Variants in KDM7A observed in about 807,000 individuals in gnomAD.
KDM7A encodes lysine-specific demethylase 7A.
A neutral mutation model predicts 114.8 loss-of-function variants in KDM7A; 28 were observed. That is an observed-to-expected ratio of 0.24 (90% CI 0.18 to 0.33). KDM7A has a LOEUF of 0.33. KDM7A is among the 10% of genes least tolerant of loss of function. The pLI is 1.00. For synonymous variants in KDM7A, 423 were observed against 397.8 expected, an observed-to-expected ratio of 1.06 and a Z score of -0.75; for missense variants, 942 against 1,142.5, an observed-to-expected ratio of 0.82 and a Z score of 2.53.
At chr7:140,113,451 T>A in intron 10 of KDM7A, 40 bp downstream of exon 10, 1 of 845,384 alleles carries the variant, frequency 1.2e-6, no homozygotes, top group East Asian at 5.6e-5. Context: ...CCTAATCTTG[T>A]GGCATAAAAC....
intron 1 of KDM7A, among the ~76,000 whole-genome samples, chr7:140,148,899 A>AT (rs1486178989): frequency 6.6e-6 from 1 of 152,202 alleles, no homozygotes; most frequent in Non-Finnish European, 1.5e-5. Context: ...TAATTGACAC[A>AT]TTAAAGCTGT....
At position 140,157,311 on chromosome 7, in the gene KDM7A, C is replaced by A. The variant is rs1282138304; in HGVS notation, c.195-18121G>T. Reference sequence around the variant, plus strand: ...AGGGTAGCCTCAGCTTTACGCTGAACTATGGTAGGCTCAGCTACCATGAAT... The same window carrying A: ...AGGGTAGCCTCAGCTTTACGCTGAAATATGGTAGGCTCAGCTACCATGAAT... On this transcript the variant is annotated intron_variant, in intron 1 of 19. Transcript: ENST00000397560. Among the ~76,000 whole-genome samples the A allele has an allele frequency of 2.6e-5, 4 of 152,220 alleles. No homozygotes were observed. In the East Asian group the frequency reaches 7.7e-4, roughly 29 times the overall value.
chr7:140,134,195 A>T (rs1171478288), intron 2 of KDM7A, among the ~76,000 whole-genome samples: 1 of 152,220 alleles, frequency 6.6e-6, no homozygotes, highest in African/African-American at 2.4e-5. Context: ...AGCATGACAA[A>T]ATACATAACT....
At chr7:140,148,633 A>G (rs1403579198) in intron 1 of KDM7A, among the ~76,000 whole-genome samples, 2 of 152,194 alleles carry the variant, frequency 1.3e-5, no homozygotes, top group Non-Finnish European at 2.9e-5. Flanking sequence ...TTTCACTTTT[A>G]AATTGTTAAT....
At position 140,176,084 on chromosome 7, in the gene KDM7A, G is replaced by A. The variant is rs1220468477; in HGVS notation, c.194+660C>T. ...TCCCCGGCACCTTTCAAGTCCCCGA[G>A]AGCGAGTGCCTCATCTGTTGCTCTG... On this transcript the variant is annotated intron_variant, in intron 1 of 19. Transcript: ENST00000397560. The surrounding 1 kb of genome is among the most constrained non-coding windows in gnomAD (Gnocchi z 4.4). 6.6e-6 allele frequency among the ~76,000 whole-genome samples: 1 copy of A among 151,936 alleles called. No homozygotes were observed. Among genetic ancestry groups the A allele is most frequent in the Non-Finnish European group, 1.5e-5 (1 of 67,928 alleles).
chr7:140,126,463 A>T (rs2286077), intron 6 of KDM7A, among the ~76,000 whole-genome samples, 174 bp downstream of exon 6: 10 of 48,490 alleles, frequency 2.1e-4, no homozygotes, highest in African/African-American at 5.0e-4. Context: ...ATTTGAGATT[A>T]AAAAAAAAAA....
chr7:140,133,860 A>C (rs1012857205), intron 2 of KDM7A, among the ~76,000 whole-genome samples: 4 of 152,086 alleles, frequency 2.6e-5, no homozygotes, highest in African/African-American at 7.2e-5. Flanking sequence ...TTTAAAACCT[A>C]CTCTTTTTAT....
intron 7 of KDM7A, among the ~76,000 whole-genome samples, chr7:140,123,529 T>C (rs956464373): frequency 6.6e-6 from 1 of 151,992 alleles, no homozygotes; most frequent in Non-Finnish European, 1.5e-5. Flanking sequence ...AGATTTCACA[T>C]TTTTTTTGGA....
intron 11 of KDM7A, among the ~76,000 whole-genome samples, chr7:140,109,419 C>T (rs947989429): frequency 3.3e-5 from 5 of 152,208 alleles, no homozygotes; most frequent in African/African-American, 9.7e-5. Context: ...GCATTTCCTT[C>T]TTTTATAAGG....
chr7:140,087,348 C>G lies in KDM7A; in HGVS notation c.*3746G>C, dbSNP rs1454313823. 1 of 152,198 alleles carries G rather than the reference C, an allele frequency of 6.6e-6. No homozygotes were observed. The highest frequency in any genetic ancestry group is 1.5e-5 in the Non-Finnish European group (1 of 68,032). The allele number at this position is 152,198 out of a possible 1,614,324, so 9.4% of individuals were successfully genotyped here. Reference sequence around the variant, plus strand: ...ACTTGAGGATACACATTCTCACTCTCTTATCCATAAACAACTTCATTTTTC... The same window carrying G: ...ACTTGAGGATACACATTCTCACTCTGTTATCCATAAACAACTTCATTTTTC... On this transcript the variant is annotated 3_prime_UTR_variant, in exon 20 of 20. Transcript: ENST00000397560.
At position 140,132,891 on chromosome 7, in the gene KDM7A, C is replaced by T. The variant is rs146237895; in HGVS notation, c.398+648G>A. On this transcript the variant is annotated intron_variant, in intron 3 of 19. Transcript: ENST00000397560. ...TTTAAATTTAAATTGTGCTTCCCCTCTTTAACAAGCCTGACTATGATCTTG... is the reference window on the plus strand; with the variant it reads ...TTTAAATTTAAATTGTGCTTCCCCTTTTTAACAAGCCTGACTATGATCTTG... 8.4e-4 allele frequency among the ~76,000 whole-genome samples: 128 copies of T among 152,304 alleles called. 1 individual carries two copies. The highest frequency in any genetic ancestry group is 1.3e-4 in the Non-Finnish European group (9 of 68,020).
intron 1 of KDM7A, among the ~76,000 whole-genome samples, chr7:140,175,760 T>TCCGCCG (rs936520936): frequency 1.3e-5 from 2 of 151,532 alleles, no homozygotes; most frequent in Middle Eastern, 3.4e-3. Context: ...GAGGGCAGCG[T>TCCGCCG]CCGCCGCCGC....
intron 6 of KDM7A, among the ~76,000 whole-genome samples, chr7:140,125,649 C>T (rs1197216424): frequency 6.6e-6 from 1 of 152,108 alleles, no homozygotes; most frequent in Non-Finnish European, 1.5e-5. Context: ...ACACTGCGCC[C>T]TCAACTTCCT....
At chr7:140,143,616 T>A (rs770974631) in intron 1 of KDM7A, among the ~76,000 whole-genome samples, 1 of 152,014 alleles carries the variant, frequency 6.6e-6, no homozygotes, top group Non-Finnish European at 1.5e-5. Context: ...CAACAAAATA[T>A]CAAAAGCAAT....
At chr7:140,171,304 CAA>C (rs59757938) in intron 1 of KDM7A, among the ~76,000 whole-genome samples, 14 of 127,840 alleles carry the variant, frequency 1.1e-4, no homozygotes, top group South Asian at 2.4e-4. Context: ...ACTAAAAATA[CAA>C]AAAAAAAAAA....
At chr7:140,104,215 A>G (rs1025830465) in intron 11 of KDM7A, among the ~76,000 whole-genome samples, 2 of 152,118 alleles carry the variant, frequency 1.3e-5, no homozygotes, top group Non-Finnish European at 2.9e-5. Context: ...ATATTAGCCC[A>G]TTGTCAGATG....
intron 7 of KDM7A, among the ~76,000 whole-genome samples, chr7:140,122,525 A>G (rs1562952162): frequency 6.6e-6 from 1 of 152,214 alleles, no homozygotes; most frequent in African/African-American, 2.4e-5. Flanking sequence ...GCATGTCTTC[A>G]TTTATTCAAC....
chr7:140,171,786 C>G (rs1180856479), intron 1 of KDM7A, among the ~76,000 whole-genome samples: 1 of 151,738 alleles, frequency 6.6e-6, no homozygotes, highest in Non-Finnish European at 1.5e-5. Context: ...ACAGTATGCT[C>G]TTTTGTACTG....
chr7:140,114,232 G>C (rs1010800981), intron 9 of KDM7A, among the ~76,000 whole-genome samples: 3 of 152,074 alleles, frequency 2.0e-5, no homozygotes, highest in Non-Finnish European at 4.4e-5. Context: ...AAGCTGGACT[G>C]TACTGCCGCC....
Sources: gnomAD v4.1 joint callset for allele counts (sites outside exome capture counted in the v4.1 genomes callset) on GRCh38, gnomAD v4.1.1 for gene constraint, Gnocchi (gnomAD v3.1) non-coding constraint, MANE v1.5 for transcripts, NCBI Gene and HGNC (gene_info 2026-07-23, HGNC 2026-07-21) for gene names.